RAD9B: variants seen among roughly 807,000 people sequenced by gnomAD.
RAD9B encodes RAD9 checkpoint clamp component B, also known as cell cycle checkpoint control protein RAD9B.
In RAD9B, 41 loss-of-function variants were observed where a neutral mutation model predicts 48.3. That is an observed-to-expected ratio of 0.85 (90% CI 0.66 to 1.10). The LOEUF is 1.10. RAD9B is among the 50% of genes least tolerant of loss of function. The probability of loss-of-function intolerance (pLI) is 0.00; values close to 1 mark genes in which losing one functional copy is unlikely to be tolerated. For missense variants in RAD9B, 444 were observed against 485.1 expected (o/e 0.92, Z 0.80); for synonymous variants, 160 against 157.9 (o/e 1.01, Z -0.10).
rs58126945 is a variant in RAD9B, at chr12:110,520,193, T to TG, written c.890+277_890+278insG. On this transcript the variant is annotated intron_variant, in intron 9 of 10. Transcript: ENST00000409300. ...CCAGAACTCAATTCCAATTTTTAGTTTTTGTTGTTGTTGTTGTTGTTGTTA... is the reference window on the plus strand; with the variant it reads ...CCAGAACTCAATTCCAATTTTTAGTTGTTTGTTGTTGTTGTTGTTGTTGTTA... 6.0e-3 allele frequency among the ~76,000 whole-genome samples: 894 copies of TG among 149,052 alleles called. 9 individuals carry two copies. The highest frequency in any genetic ancestry group is 0.021 in the African/African-American group (838 of 39,214).
intron 10 of RAD9B, among the ~76,000 whole-genome samples, 151 bp downstream of exon 10, chr12:110,522,562 G>A (rs2063818960): frequency 6.6e-6 from 1 of 152,076 alleles, no homozygotes; most frequent in Non-Finnish European, 1.5e-5. Flanking sequence ...CTGAATTATA[G>A]AATGAAGAAA....
At chr12:110,518,642 A>G (rs747856001) in intron 6 of RAD9B, 34 bp from the exon 7 acceptor site, 1 of 1,447,378 alleles carries the variant, frequency 6.9e-7, no homozygotes, top group South Asian at 1.3e-5. Context: ...TCTGGAACTA[A>G]TTTTATTCTT....
intron 10 of RAD9B, among the ~76,000 whole-genome samples, chr12:110,527,563 T>C (rs557224441): frequency 1.3e-5 from 2 of 152,156 alleles, no homozygotes; most frequent in African/African-American, 4.8e-5. Context: ...TCATTTGTTG[T>C]CTTGTGGTAC....
Position 110,530,740 on chromosome 12 carries a change from G to A in RAD9B, c.*87G>A, listed in dbSNP as rs950800001. The stretch of plus-strand genomic sequence containing the variant: ...GAGTTTGCATGTTTAGTGTCTAAAA[G>A]AGGTTGTCCAGGACTTCCTTTTAAT... On this transcript the variant is annotated 3_prime_UTR_variant, in exon 11 of 11. Coordinates refer to ENST00000409300, the MANE Select transcript of RAD9B (RefSeq NM_001286535.2). 6 of 1,575,710 alleles carry A rather than the reference G, an allele frequency of 3.8e-6. No homozygotes were observed. The highest frequency in any genetic ancestry group is 1.4e-5 in the African/African-American group (1 of 73,690).
chr12:110,527,729 A>G (rs1220379949), intron 10 of RAD9B, among the ~76,000 whole-genome samples: 1 of 152,244 alleles, frequency 6.6e-6, no homozygotes, highest in Non-Finnish European at 1.5e-5. Flanking sequence ...GACTAAATAT[A>G]TAATTTTTGA....
rs2064121899 is a variant in RAD9B, at chr12:110,531,021, G to A, written c.*368G>A. 9.9e-7 allele frequency: 1 copy of A among 1,007,008 alleles called. No individual in the cohort carries two copies. Among genetic ancestry groups the A allele is most frequent in the African/African-American group, 1.7e-5 (1 of 57,876 alleles). 62.4% of individuals were successfully genotyped at this position (1,007,008 alleles called of 1,614,324 possible). A position where few individuals can be genotyped will look rare whatever the true frequency, so the allele number is the denominator to read the frequency against. ...ATTTAGAGTGCCATCAAGATGGCTT[G>A]AAATGGAATTTTGTGATTTGTAGTC... On this transcript the variant is annotated 3_prime_UTR_variant, in exon 11 of 11. Transcript: ENST00000409300.
chr12:110,522,455 A>G, intron 10 of RAD9B, 44 bp downstream of exon 10: 7 of 1,377,268 alleles, frequency 5.1e-6, no homozygotes, highest in Non-Finnish European at 7.1e-6. Flanking sequence ...AAGAATTCTC[A>G]TCTGTCTCCC....
chr12:110,507,518 A>T (rs1275051839), intron 4 of RAD9B, among the ~76,000 whole-genome samples: 1 of 22,752 alleles, frequency 4.4e-5, no homozygotes, highest in Non-Finnish European at 1.4e-4. Flanking sequence ...TATAATACAT[A>T]ATATATGTAT....
chr12:110,519,021 T>C, intron 8 of RAD9B, 83 bp downstream of exon 8: 1 of 914,530 alleles, frequency 1.1e-6, no homozygotes, highest in Non-Finnish European at 1.7e-6. Context: ...TGAAATTAAT[T>C]AACACCTCAG....
rs139932991 is a variant in RAD9B, at chr12:110,532,503, C to G, written c.*1850C>G. On this transcript the variant is annotated 3_prime_UTR_variant, in exon 11 of 11. Transcript: ENST00000409300. ...GGCGGATCAGTTGAGCCCAGCAGTT[C>G]AAGACTAGCCTGGGCAACATGGTGA... Among the ~76,000 whole-genome samples the G allele has an allele frequency of 4.5e-4, 69 of 152,304 alleles. No homozygotes were observed. Among genetic ancestry groups the G allele is most frequent in the Middle Eastern group, 3.4e-3 (1 of 294 alleles).
chr12:110,524,121 A>G, intron 10 of RAD9B, among the ~76,000 whole-genome samples: 1 of 152,100 alleles, frequency 6.6e-6, no homozygotes. Flanking sequence ...CCTCTCTCTT[A>G]CCACGTATTA....
At chr12:110,520,628 C>CTTTTTTTTTTTTTTTTTTTTGTTTTTTT (rs71083129) in intron 9 of RAD9B, among the ~76,000 whole-genome samples, 6 of 99,966 alleles carry the variant, frequency 6.0e-5, no homozygotes, top group Admixed American at 1.3e-4. Context: ...TTCTTGCTTT[C>CTTTTTTTTTTTTTTTTTTTTGTTTTTTT]TTTTTTTTTT....
At position 110,503,872 on chromosome 12, in the gene RAD9B, A is replaced by C; in HGVS notation, c.113A>C (p.Lys38Thr). 1.3e-6 allele frequency: 2 copies of C among 1,560,980 alleles called. No individual in the cohort carries two copies. Among genetic ancestry groups the C allele is most frequent in the Non-Finnish European group, 1.7e-6 (2 of 1,156,666 alleles). The change falls in exon 2 of 11, where the codon AAA becomes ACA. Residue 38 changes from lysine to threonine, a missense_variant. By Grantham distance (78) the Lys-to-Thr change is moderately conservative. Transcript: ENST00000409300. ...SDEFWLDPSK[K>T]GLALRCVNSS... ...GAGTTCTGGCTAGACCCATCTAAAA[A>C]AGGTGTAAGTAAGAAAGTTAACAGA...
At chr12:110,503,223 G>C (rs533260005) in intron 1 of RAD9B, 1 of 153,060 alleles carries the variant, frequency 6.5e-6, no homozygotes, top group South Asian at 2.0e-4. Context: ...TCCAGCCTGA[G>C]TGTCAGAGTG....
At chr12:110,504,141 T>G (rs995846132) in intron 2 of RAD9B, among the ~76,000 whole-genome samples, 8 of 151,554 alleles carry the variant, frequency 5.3e-5, no homozygotes, top group African/African-American at 9.7e-5. Flanking sequence ...CTGCACTGTT[T>G]TTTTTTTTTT....
chr12:110,510,059 C>T (rs1246160863), intron 4 of RAD9B, among the ~76,000 whole-genome samples: 1 of 152,150 alleles, frequency 6.6e-6, no homozygotes, highest in East Asian at 1.9e-4. Flanking sequence ...CATATTATGT[C>T]ACTTCGGTGC....
Position 110,515,087 on chromosome 12 carries a change from CAA to C in RAD9B, c.527_528del (p.Gln176ArgfsTer18), listed in dbSNP as rs1434784688. The C allele has an allele frequency of 1.9e-6, 3 of 1,556,148 alleles. No individual in the cohort carries two copies. The East Asian group carries it at 7.1e-5, about 37-fold the overall frequency. ...TGCCATTGTTCTTTTTACATCAAGT[CAA>C]GAGGAAGTTACTCTTGCTGTTACTC... ...ADAIVLFTSS[Q>X]EEVTLAVTPL... is the part of the protein sequence containing the mutation. On this transcript the variant is annotated frameshift_variant, in exon 6 of 11. Transcript: ENST00000409300. LOFTEE classifies it high-confidence loss of function.
At chr12:110,511,436 A>G (rs775189029) in intron 4 of RAD9B, 19 of 441,810 alleles carry the variant, frequency 4.3e-5, no homozygotes, top group African/African-American at 3.6e-4. Flanking sequence ...AGCAACGTGG[A>G]TGGAACTAGA....
chr12:110,504,907 A>G (rs1440922588), intron 2 of RAD9B, among the ~76,000 whole-genome samples: 1 of 151,934 alleles, frequency 6.6e-6, no homozygotes, highest in Non-Finnish European at 1.5e-5. Context: ...GAAGGCTGAG[A>G]GGAGGGAGGA....
Sources: allele counts gnomAD v4.1 joint callset (sites outside exome capture counted in the v4.1 genomes callset), GRCh38; gene constraint gnomAD v4.1.1; transcripts MANE v1.5; gene names NCBI Gene and HGNC (gene_info 2026-07-23, HGNC 2026-07-21).